The following NELL1 variants were observed in gnomAD, a reference collection of about 807,000 sequenced individuals.
NELL1 encodes protein kinase C-binding protein NELL1.
A neutral mutation model predicts 107.4 loss-of-function variants in NELL1; 76 were observed. The ratio of observed to expected loss-of-function variants is 0.71; its 90% CI spans 0.59 to 0.86. The LOEUF (loss-of-function observed/expected upper bound fraction) is 0.86. Ranked by LOEUF, NELL1 falls within the 40% of genes least tolerant of loss-of-function variation. The pLI is 0.00. For missense variants in NELL1, 1,024 were observed against 1,005.5 expected, an observed-to-expected ratio of 1.02 and a Z score of -0.25; for synonymous variants, 353 against 341.2, an observed-to-expected ratio of 1.03 and a Z score of -0.38.
chr11:21,107,157 A>C (rs1854988958), intron 12 of NELL1, among the ~76,000 whole-genome samples: 1 of 152,162 alleles, frequency 6.6e-6, no homozygotes, highest in African/African-American at 2.4e-5. Context: ...ATAATTACAC[A>C]AAGTCCGTAA....
At chr11:20,897,022 A>G (rs962444099) in intron 5 of NELL1, among the ~76,000 whole-genome samples, 1 of 152,230 alleles carries the variant, frequency 6.6e-6, no homozygotes, top group African/African-American at 2.4e-5. Flanking sequence ...CATCCCCATC[A>G]AGCTACCAAT....
chr11:21,417,326 C>A (rs185601458), intron 15 of NELL1, among the ~76,000 whole-genome samples: 3 of 151,970 alleles, frequency 2.0e-5, no homozygotes, highest in Admixed American at 2.0e-4. Context: ...GCATTTCTTA[C>A]CTTTTTGGTG....
intron 12 of NELL1, among the ~76,000 whole-genome samples, chr11:21,064,787 A>G (rs546752215): frequency 1.3e-5 from 2 of 152,174 alleles, no homozygotes; most frequent in Non-Finnish European, 1.5e-5. Flanking sequence ...AAACACACCC[A>G]CATCTCCTAT....
intron 14 of NELL1, among the ~76,000 whole-genome samples, chr11:21,235,455 G>A (rs963320424): frequency 7.9e-5 from 12 of 152,138 alleles, no homozygotes; most frequent in Non-Finnish European, 1.6e-4. Context: ...TTTGCAGCAA[G>A]TGTGGACTAT....
intron 3 of NELL1, among the ~76,000 whole-genome samples, chr11:20,786,890 C>A (rs990007922): frequency 1.3e-5 from 2 of 151,256 alleles, no homozygotes; most frequent in African/African-American, 2.4e-5. Context: ...CGCCTGTAGT[C>A]CCAGCTACTT....
intron 2 of NELL1, among the ~76,000 whole-genome samples, chr11:20,712,902 A>G (rs913026156): frequency 1.3e-5 from 2 of 152,194 alleles, no homozygotes. Flanking sequence ...AATAGACTCT[A>G]TGGGAGTCCT....
chr11:21,252,706 G>A (rs1380795945), intron 14 of NELL1, among the ~76,000 whole-genome samples: 1 of 152,140 alleles, frequency 6.6e-6, no homozygotes, highest in African/African-American at 2.4e-5. Context: ...CGTGGAGTTT[G>A]AGGTTTTGCT....
chr11:20,766,472 T>C (rs1417930806), intron 2 of NELL1, among the ~76,000 whole-genome samples: 4 of 152,232 alleles, frequency 2.6e-5, no homozygotes, highest in Non-Finnish European at 4.4e-5. Context: ...ATTTTATGTA[T>C]AATTTTGCCA....
At chr11:21,028,981 A>G (rs1852887725) in intron 12 of NELL1, among the ~76,000 whole-genome samples, 1 of 152,190 alleles carries the variant, frequency 6.6e-6, no homozygotes, top group Admixed American at 6.6e-5. Flanking sequence ...GTTACAACAT[A>G]AGTTAAATTG....
At chr11:21,202,065 C>G (rs990167514) in intron 13 of NELL1, among the ~76,000 whole-genome samples, 2 of 152,160 alleles carry the variant, frequency 1.3e-5, no homozygotes, top group African/African-American at 4.8e-5. Context: ...TGATGTTCGT[C>G]AGAGATATTG....
chr11:21,397,563 A>T (rs181988179), intron 15 of NELL1, among the ~76,000 whole-genome samples: 76 of 151,836 alleles, frequency 5.0e-4, no homozygotes, highest in African/African-American at 1.8e-3. Flanking sequence ...CATATAAAAC[A>T]CATATAAATT....
At chr11:21,500,144 A>G (rs1254827012) in intron 15 of NELL1, among the ~76,000 whole-genome samples, 1 of 152,152 alleles carries the variant, frequency 6.6e-6, no homozygotes, top group Non-Finnish European at 1.5e-5. Flanking sequence ...AAAAACTACC[A>G]TGTCAGCATG....
intron 13 of NELL1, among the ~76,000 whole-genome samples, chr11:21,126,038 A>G (rs1011426629): frequency 5.9e-5 from 9 of 152,286 alleles, no homozygotes; most frequent in African/African-American, 1.9e-4. Context: ...AACTGTTAGC[A>G]ATTACTACCT....
intron 3 of NELL1, among the ~76,000 whole-genome samples, chr11:20,825,867 C>T (rs906190197): frequency 6.0e-5 from 9 of 151,084 alleles, no homozygotes; most frequent in East Asian, 3.9e-4. Context: ...TGATATGGTC[C>T]GGCTCTATGT....
intron 15 of NELL1, among the ~76,000 whole-genome samples, chr11:21,420,500 A>G (rs1407489279): frequency 9.9e-5 from 15 of 152,192 alleles, no homozygotes; most frequent in Admixed American, 9.8e-4. Flanking sequence ...AGAAAAATAA[A>G]AGTTAAGTAT....
chr11:21,088,997 A>G (rs976651477), intron 12 of NELL1, among the ~76,000 whole-genome samples: 2 of 152,234 alleles, frequency 1.3e-5, no homozygotes, highest in Non-Finnish European at 2.9e-5. Context: ...GAGACAGGAC[A>G]CAGCCAGTAT....
At chr11:21,105,867 T>TCTCCTCCCC (rs1854951406) in intron 12 of NELL1, among the ~76,000 whole-genome samples, 1 of 2,724 alleles carries the variant, frequency 3.7e-4, no homozygotes, top group Non-Finnish European at 7.0e-4. Flanking sequence ...CCCCTCCCCC[T>TCTCCTCCCC]CCCCTTCCTC....
intron 12 of NELL1, among the ~76,000 whole-genome samples, chr11:21,082,866 A>G (rs1162000375): frequency 6.6e-6 from 1 of 152,240 alleles, no homozygotes; most frequent in Non-Finnish European, 1.5e-5. Flanking sequence ...GTGCGAAAAC[A>G]TACAGCATAG....
intron 14 of NELL1, among the ~76,000 whole-genome samples, chr11:21,304,977 G>A (rs2133631868): frequency 6.6e-6 from 1 of 151,974 alleles, no homozygotes; most frequent in South Asian, 2.1e-4. Flanking sequence ...TATTTCTGTG[G>A]GGAAACAATA....
Sources: allele counts gnomAD v4.1 joint callset (sites outside exome capture counted in the v4.1 genomes callset), GRCh38; gene constraint gnomAD v4.1.1; transcripts MANE v1.5; gene names NCBI Gene and HGNC (gene_info 2026-07-23, HGNC 2026-07-21).